The following SPATA31E1 variants were observed in gnomAD, a reference collection of about 807,000 sequenced individuals.
SPATA31E1 encodes the protein SPATA31 subfamily E member 1.
SPATA31E1 carries 7 observed loss-of-function variants against 12.9 expected under a neutral mutation model. The ratio of observed to expected loss-of-function variants is 0.54; its 90% CI spans 0.31 to 1.02. The LOEUF is 1.02. Ranked by LOEUF, SPATA31E1 falls within the 50% of genes least tolerant of loss-of-function variation. The pLI is 0.05. For missense variants in SPATA31E1, 1,961 were observed against 1,799.8 expected, an observed-to-expected ratio of 1.09 and a Z score of -1.62; for synonymous variants, 771 against 719.0, an observed-to-expected ratio of 1.07 and a Z score of -1.16.
chr9:87,884,751 A>G (rs1391649050), intron 3 of SPATA31E1, 100 bp downstream of exon 3: 3 of 1,495,098 alleles, frequency 2.0e-6, no homozygotes, highest in Non-Finnish European at 2.8e-6. Context: ...GGTCCCGGGA[A>G]GGGGACAGGA....
chr9:87,888,122 CAG>C lies in SPATA31E1; in HGVS notation c.3636_3637del (p.Glu1214AlafsTer12), dbSNP rs1479965367. On this transcript the variant is annotated frameshift_variant, in exon 4 of 4. Transcript: ENST00000325643. LOFTEE classifies it low-confidence loss of function (END_TRUNC). ...GGCGAGGCCCACAGGAGGCCCAGAA[CAG>C]GGGAGCAGGGACACAGGTCCAAGGG... is the stretch of plus-strand genomic sequence containing the variant. 2 of 1,606,688 alleles carry C rather than the reference CAG, an allele frequency of 1.2e-6. No individual in the cohort carries two copies. The highest frequency in any genetic ancestry group is 1.3e-5 in the African/African-American group (1 of 74,758).
chr9:87,888,273 C>A lies in SPATA31E1; in HGVS notation c.3786C>A (p.His1262Gln). ...LEKGQTPPES[H>Q]FQRKISHHPQ... ...AGGGACAGACACCACCAGAAAGCCA[C>A]TTCCAGAGAAAGATCAGTCACCATC... Residue 1262 changes from histidine to glutamine, a missense_variant, in exon 4 of 4, where the codon CAC becomes CAA. Transcript: ENST00000325643. The A allele has an allele frequency of 6.2e-7, 1 of 1,614,182 alleles. No homozygotes were observed. Among genetic ancestry groups the A allele is most frequent in the African/African-American group, 1.3e-5 (1 of 75,074 alleles).
Position 87,887,283 on chromosome 9 carries a change from G to A in SPATA31E1, c.2796G>A (p.Arg932=). The A allele has an allele frequency of 6.2e-7, 1 of 1,613,882 alleles. No individual in the cohort carries two copies. The highest frequency in any genetic ancestry group is 8.5e-7 in the Non-Finnish European group (1 of 1,180,004). Residue 932 remains arginine (R), a synonymous_variant, in exon 4 of 4, where the codon AGG becomes AGA. Transcript: ENST00000325643. Reference sequence around the variant, plus strand: ...CGCCTGAGCAGGAGGGAGTCCAGAGGCCCCCGAGAGGGTCCCAGTCAGCTG... The same window carrying A: ...CGCCTGAGCAGGAGGGAGTCCAGAGACCCCCGAGAGGGTCCCAGTCAGCTG... ...APPPEQEGVQ[R]PPRGSQSADT... is the part of the protein sequence containing the mutation.
Position 87,885,051 on chromosome 9 carries a change from C to T in SPATA31E1, c.564C>T (p.Ser188=). The change falls in exon 4 of 4, where the codon AGC becomes AGT. Residue 188 remains serine (S), a synonymous_variant. Coordinates refer to ENST00000325643, the MANE Select transcript of SPATA31E1 (RefSeq NM_178828.5). ...GKCMQDPSPA[S]LSPPAPPAPL... ...GCATGCAAGATCCGTCTCCTGCCAGCTTGTCCCCACCAGCTCCCCCAGCTC... is the reference window on the plus strand; with the variant it reads ...GCATGCAAGATCCGTCTCCTGCCAGTTTGTCCCCACCAGCTCCCCCAGCTC... 6.2e-7 allele frequency: 1 copy of T among 1,614,214 alleles called. No homozygotes were observed.
chr9:87,888,538 G>T lies in SPATA31E1; in HGVS notation c.4051G>T (p.Ala1351Ser). The T allele has an allele frequency of 6.2e-7, 1 of 1,614,124 alleles. No homozygotes were observed. The highest frequency in any genetic ancestry group is 8.5e-7 in the Non-Finnish European group (1 of 1,180,020). Residue 1351 changes from alanine to serine, a missense_variant, in exon 4 of 4, where the codon GCC (alanine) becomes TCC (serine). Ala to Ser is a moderately conservative substitution (Grantham distance 99). Coordinates refer to ENST00000325643, the MANE Select transcript of SPATA31E1 (RefSeq NM_178828.5). ...EVNRHKGDFR[A>S]QENVPSCCHR... ...CAATCGCCACAAAGGTGACTTCCGC[G>T]CCCAGGAGAATGTGCCTTCCTGCTG...
rs781149440 is a variant in SPATA31E1 at position 87,884,971 on chromosome 9, C to T, written c.484C>T (p.Leu162=). 6 of 1,614,032 alleles carry T rather than the reference C, an allele frequency of 3.7e-6. No individual in the cohort carries two copies. In the Admixed American group the frequency reaches 1.0e-4, roughly 27 times the overall value. ...CCACCTGCCCTTAGGTGGAGACCCC[C>T]TGGGGGACGTGTGTAAACCAGTGCC... is the stretch of plus-strand genomic sequence containing the variant. ...SSHLPLGGDP[L]GDVCKPVPAK... The change falls in exon 4 of 4, where the codon CTG becomes TTG. Residue 162 remains leucine, a synonymous_variant. Coordinates refer to ENST00000325643, the MANE Select transcript of SPATA31E1 (RefSeq NM_178828.5).
chr9:87,885,484 G>A lies in SPATA31E1; in HGVS notation c.997G>A (p.Asp333Asn), dbSNP rs758412405. The A allele has an allele frequency of 1.7e-5, 28 of 1,613,790 alleles. No homozygotes were observed. The highest frequency in any genetic ancestry group is 4.0e-5 in the African/African-American group (3 of 74,876). ...CAAATCCCAGCCACGGCATCTTCCC[G>A]ACCACACCTCAGAGGCTTCCTTCTG... ...HGKSQPRHLP[D>N]HTSEASFWGD... Residue 333 changes from aspartate (D) to asparagine (N), a missense_variant, in exon 4 of 4, where the codon GAC becomes AAC. Transcript: ENST00000325643.
At position 87,884,585 on chromosome 9, in the gene SPATA31E1, T is replaced by C; in HGVS notation, c.365-6T>C. On this transcript the variant is annotated splice_polypyrimidine_tract_variant and splice_region_variant and intron_variant, in intron 2 of 3. Transcript: ENST00000325643. ...CTCCACCATAACCCTGTCTCCTGAT[T>C]TCCAGCTTGCAGAATCCTCCTGAGG... 6.2e-7 allele frequency: 1 copy of C among 1,614,118 alleles called. No homozygotes were observed.
chr9:87,886,357 C>T lies in SPATA31E1; in HGVS notation c.1870C>T (p.Leu624Phe), dbSNP rs1828273940. Residue 624 changes from leucine (L) to phenylalanine (F), a missense_variant, in exon 4 of 4, where the codon CTC (leucine) becomes TTC (phenylalanine). Transcript: ENST00000325643. ...TCCCGGGGTTGTCACCAGCCCTGAG[C>T]TCCCAGAGCACTGGTGGCAAGGAAG... Reference protein sequence around the residue: ...ILPGVVTSPELPEHWWQGRNA... With the variant: ...ILPGVVTSPEFPEHWWQGRNA... The T allele has an allele frequency of 6.2e-7, 1 of 1,613,386 alleles. No individual in the cohort carries two copies. Among genetic ancestry groups the T allele is most frequent in the Non-Finnish European group, 8.5e-7 (1 of 1,179,786 alleles).
chr9:87,883,798 C>T (rs899126437), intron 1 of SPATA31E1, among the ~76,000 whole-genome samples, 194 bp from the exon 2 acceptor site: 1 of 152,220 alleles, frequency 6.6e-6, no homozygotes, highest in African/African-American at 2.4e-5. Context: ...CACAGACAAC[C>T]CTTCCTTGCA....
Position 87,888,400 on chromosome 9 carries a change from C to A in SPATA31E1, c.3913C>A (p.Pro1305Thr). 6.2e-7 allele frequency: 1 copy of A among 1,614,162 alleles called. No individual in the cohort carries two copies. Among genetic ancestry groups the A allele is most frequent in the East Asian group, 2.2e-5 (1 of 44,866 alleles). Residue 1305 changes from proline (P) to threonine (T), a missense_variant, in exon 4 of 4, where the codon CCA (proline) becomes ACA (threonine). Physicochemically the swap from Pro to Thr is conservative, Grantham distance 38. Coordinates refer to ENST00000325643, the MANE Select transcript of SPATA31E1 (RefSeq NM_178828.5). Reference sequence around the variant, plus strand: ...TTTCCAGAGCTGGGGGTCTGGCCCACCAAGGCAGTTTATGGACTGCATGGC... The same window carrying A: ...TTTCCAGAGCTGGGGGTCTGGCCCAACAAGGCAGTTTATGGACTGCATGGC... ...DAFQSWGSGP[P>T]RQFMDCMADK...
Position 87,887,147 on chromosome 9 carries a change from C to T in SPATA31E1, c.2660C>T (p.Ser887Phe). ...PWASWVSRVE[S>F]VPKVPIFLGK... ...GCCTCCTGGGTATCTCGGGTTGAAT[C>T]TGTACCCAAGGTTCCCATTTTCCTG... Residue 887 changes from serine to phenylalanine, a missense_variant, in exon 4 of 4, where the codon TCT (serine) becomes TTT (phenylalanine). By Grantham distance (155) the Ser-to-Phe change is radical. Coordinates refer to ENST00000325643, the MANE Select transcript of SPATA31E1 (RefSeq NM_178828.5). 6.2e-7 allele frequency: 1 copy of T among 1,614,110 alleles called. No homozygotes were observed. Among genetic ancestry groups the T allele is most frequent in the Non-Finnish European group, 8.5e-7 (1 of 1,180,030 alleles).
At position 87,888,880 on chromosome 9, in the gene SPATA31E1, T is replaced by G; in HGVS notation, c.*55T>G. ...GGGGAGACAGGGGGTTCTACTCAAA[T>G]AAAACTGATGCCTACACAATAAACC... On this transcript the variant is annotated 3_prime_UTR_variant, in exon 4 of 4. Coordinates refer to ENST00000325643, the MANE Select transcript of SPATA31E1 (RefSeq NM_178828.5). The G allele has an allele frequency of 6.8e-7, 1 of 1,478,478 alleles. No homozygotes were observed. The highest frequency in any genetic ancestry group is 9.0e-7 in the Non-Finnish European group (1 of 1,113,054). The allele number at this position is 1,478,478 out of a possible 1,614,324, so 91.6% of individuals were successfully genotyped here. A position where few individuals can be genotyped will look rare whatever the true frequency, so the allele number is the denominator to read the frequency against.
chr9:87,888,856 G>A lies in SPATA31E1; in HGVS notation c.*31G>A. The A allele has an allele frequency of 6.5e-7, 1 of 1,531,910 alleles. No homozygotes were observed. Among genetic ancestry groups the A allele is most frequent in the Non-Finnish European group, 8.8e-7 (1 of 1,140,106 alleles). 94.9% of individuals were successfully genotyped at this position (1,531,910 alleles called of 1,614,324 possible). On this transcript the variant is annotated 3_prime_UTR_variant, in exon 4 of 4. Transcript: ENST00000325643. ...ACCAGTCTTCTTGCATGTCTCCTGG[G>A]GGAGACAGGGGGTTCTACTCAAATA...
At chr9:87,884,704 T>C in intron 3 of SPATA31E1, 53 bp downstream of exon 3, 1 of 1,605,760 alleles carries the variant, frequency 6.2e-7, no homozygotes, top group African/African-American at 1.3e-5. Flanking sequence ...GGGCCTCTGA[T>C]GCAACCCTAC....
chr9:87,885,471 A>G lies in SPATA31E1; in HGVS notation c.984A>G (p.Pro328=). The G allele has an allele frequency of 1.2e-6, 2 of 1,614,008 alleles. No individual in the cohort carries two copies. Among genetic ancestry groups the G allele is most frequent in the Non-Finnish European group, 1.7e-6 (2 of 1,179,920 alleles). ...LSTYSHGKSQ[P]RHLPDHTSEA... ...CCTACTCACATGGCAAATCCCAGCC[A>G]CGGCATCTTCCCGACCACACCTCAG... The change falls in exon 4 of 4, where the codon CCA becomes CCG. Residue 328 remains proline (P), a synonymous_variant. Transcript: ENST00000325643.
In SPATA31E1 at chr9:87,883,008, A is replaced by T; in HGVS notation, c.117A>T (p.Ala39=). The T allele has an allele frequency of 6.2e-7, 1 of 1,613,284 alleles. No homozygotes were observed. The highest frequency in any genetic ancestry group is 2.2e-5 in the East Asian group (1 of 44,738). ...TGGAGTGCACAGGAGACGACATTGCACTTCAGATGGAGAAAATGCTCTTTC... is the reference window on the plus strand; with the variant it reads ...TGGAGTGCACAGGAGACGACATTGCTCTTCAGATGGAGAAAATGCTCTTTC... ...PSVECTGDDI[A]LQMEKMLFPL... Residue 39 remains alanine (A), a synonymous_variant, in exon 1 of 4, where the codon GCA becomes GCT. Coordinates refer to ENST00000325643, the MANE Select transcript of SPATA31E1 (RefSeq NM_178828.5).
rs1311762242 is a variant in SPATA31E1, at chr9:87,888,624, T to G, written c.4137T>G (p.Pro1379=). ...AGATGAGAGCTCTGGCCTGCAGCCC[T>G]AAAGCCACCCCCAAGGGCCACCACT... is the stretch of plus-strand genomic sequence containing the variant. ...SREMRALACS[P]KATPKGHHCP... Residue 1379 remains proline (P), a synonymous_variant, in exon 4 of 4, where the codon CCT becomes CCG. Transcript: ENST00000325643. 6.2e-7 allele frequency: 1 copy of G among 1,613,632 alleles called. No individual in the cohort carries two copies. Among genetic ancestry groups the G allele is most frequent in the Non-Finnish European group, 8.5e-7 (1 of 1,179,930 alleles).
At position 87,887,688 on chromosome 9, in the gene SPATA31E1, A is replaced by T; in HGVS notation, c.3201A>T (p.Thr1067=). The T allele has an allele frequency of 6.2e-7, 1 of 1,614,118 alleles. No homozygotes were observed. The highest frequency in any genetic ancestry group is 1.3e-5 in the African/African-American group (1 of 75,050). ...GTGTTCAGGAGGATCTGAGGAGCAC[A>T]GGGGCTCTGGGGACCACTGGTAACC... is the stretch of plus-strand genomic sequence containing the variant. The part of the protein sequence containing the change: ...SGSVQEDLRS[T]GALGTTGNPS... The change falls in exon 4 of 4, where the codon ACA becomes ACT. Residue 1067 remains threonine (T), a synonymous_variant. Coordinates refer to ENST00000325643, the MANE Select transcript of SPATA31E1 (RefSeq NM_178828.5).
Sources: allele counts gnomAD v4.1 joint callset (sites outside exome capture counted in the v4.1 genomes callset), GRCh38; gene constraint gnomAD v4.1.1; transcripts MANE v1.5; gene names NCBI Gene and HGNC (gene_info 2026-07-23, HGNC 2026-07-21).